The following LINGO2 variants were observed in gnomAD, a reference collection of about 807,000 sequenced individuals.
LINGO2 encodes the protein leucine-rich repeat and immunoglobulin-like domain-containing nogo receptor-interacting protein 2.
LINGO2 carries 14 observed loss-of-function variants against 30.6 expected under a neutral mutation model. That is an observed-to-expected ratio of 0.46 (90% CI 0.30 to 0.72). The LOEUF (loss-of-function observed/expected upper bound fraction) is 0.72. Ranked by LOEUF, LINGO2 falls within the 30% of genes least tolerant of loss-of-function variation. The pLI is 0.07. For synonymous variants in LINGO2, 317 were observed against 288.5 expected (o/e 1.10, Z -1.00); for missense variants, 729 against 751.7 (o/e 0.97, Z 0.35).
chr9:28,729,526 T>C, the LINGO2 span, among the ~76,000 whole-genome samples: 102 of 152,060 alleles, frequency 6.7e-4, 1 homozygote, highest in African/African-American at 2.3e-3. Context: ...ATAAGATCCA[T>C]GAATCATTCA....
At chr9:29,050,735 C>T in the LINGO2 span, among the ~76,000 whole-genome samples, 1 of 152,136 alleles carries the variant, frequency 6.6e-6, no homozygotes, top group South Asian at 2.1e-4. Context: ...AGGCTGTCAG[C>T]ATTGCTGCAA....
the LINGO2 span, among the ~76,000 whole-genome samples, chr9:28,841,419 C>T: frequency 6.6e-6 from 1 of 151,788 alleles, no homozygotes; most frequent in African/African-American, 2.4e-5. Flanking sequence ...TAGTACTTTA[C>T]ACTTGCTCAT....
chr9:28,390,150 C>T (rs1821765682), intron 2 of LINGO2, among the ~76,000 whole-genome samples: 1 of 152,184 alleles, frequency 6.6e-6, no homozygotes, highest in Non-Finnish European at 1.5e-5. Context: ...AATGCCTGAG[C>T]TGTATCCTAC....
intron 1 of LINGO2, among the ~76,000 whole-genome samples, chr9:28,640,701 AT>A (rs1342673767): frequency 6.6e-6 from 1 of 151,794 alleles, no homozygotes; most frequent in African/African-American, 2.4e-5. Context: ...ACTTCTCTGC[AT>A]TGGTTATTCT....
At chr9:28,296,172 T>G (rs2134188047) in intron 3 of LINGO2, among the ~76,000 whole-genome samples, 1 of 152,328 alleles carries the variant, frequency 6.6e-6, no homozygotes, top group South Asian at 2.1e-4. Context: ...TTGACTTTTA[T>G]TCATACAGAG....
intron 4 of LINGO2, among the ~76,000 whole-genome samples, chr9:28,294,944 A>G (rs1823869980): frequency 1.3e-5 from 2 of 152,274 alleles, no homozygotes; most frequent in South Asian, 4.1e-4. Flanking sequence ...TTAAAGAGGA[A>G]ATCTTTATAG....
At chr9:28,790,023 T>C in the LINGO2 span, among the ~76,000 whole-genome samples, 4 of 152,338 alleles carry the variant, frequency 2.6e-5, no homozygotes, top group African/African-American at 9.6e-5. Flanking sequence ...TTAAGTTACC[T>C]GTGGTCAACT....
intron 2 of LINGO2, among the ~76,000 whole-genome samples, chr9:28,433,949 C>CTCTCTATATATATATATA (rs1225323260): frequency 1.0e-3 from 91 of 88,504 alleles, no homozygotes; most frequent in African/African-American, 3.9e-3. Flanking sequence ...CTCTCTCTCT[C>CTCTCTATATATATATATA]TATATATATA....
At chr9:28,366,862 GTAA>G (rs1482853485) in intron 3 of LINGO2, among the ~76,000 whole-genome samples, 4 of 151,924 alleles carry the variant, frequency 2.6e-5, no homozygotes, top group African/African-American at 7.3e-5. Context: ...GGAAAACATA[GTAA>G]TAATAATAAC....
intron 5 of LINGO2, among the ~76,000 whole-genome samples, chr9:28,006,121 C>T (rs1231982922): frequency 1.3e-5 from 2 of 151,922 alleles, no homozygotes; most frequent in Admixed American, 6.6e-5. Flanking sequence ...AGCTTTGCTA[C>T]CCATGCAAAG....
chr9:28,530,225 TG>T (rs1376686682), intron 1 of LINGO2, among the ~76,000 whole-genome samples: 1 of 152,018 alleles, frequency 6.6e-6, no homozygotes, highest in African/African-American at 2.4e-5. Flanking sequence ...AGCACGATGA[TG>T]GTGATGATGA....
intron 4 of LINGO2, among the ~76,000 whole-genome samples, chr9:28,230,584 C>T (rs1262863113): frequency 6.6e-6 from 1 of 151,016 alleles, no homozygotes; most frequent in African/African-American, 2.4e-5. Flanking sequence ...AAGACAGAGT[C>T]TTGCTCTATC....
chr9:28,476,134 A>T (rs2026376), intron 1 of LINGO2, 109 bp from the exon 4 acceptor site: 136,497 of 152,568 alleles, frequency 0.89, 61,361 homozygotes, highest in East Asian at 1. Flanking sequence ...AGTATTTGTT[A>T]TATAAAGGTT....
chr9:29,211,898 G>A, the LINGO2 span, among the ~76,000 whole-genome samples: 3 of 152,056 alleles, frequency 2.0e-5, no homozygotes, highest in Non-Finnish European at 4.4e-5. Flanking sequence ...CAAGGGAGGC[G>A]GGGGAAATTG....
the LINGO2 span, among the ~76,000 whole-genome samples, chr9:28,723,486 A>G: frequency 3.3e-5 from 5 of 152,136 alleles, no homozygotes; most frequent in African/African-American, 7.2e-5. Context: ...ATTCCTTGAA[A>G]GGCCCAACCT....
chr9:28,471,168 A>T (rs1365739637), intron 2 of LINGO2, among the ~76,000 whole-genome samples: 1 of 152,122 alleles, frequency 6.6e-6, no homozygotes, highest in Non-Finnish European at 1.5e-5. Context: ...CTGTTGCTAA[A>T]ATAGAATACC....
At chr9:28,484,290 G>A (rs1369101329) in intron 1 of LINGO2, among the ~76,000 whole-genome samples, 1 of 152,000 alleles carries the variant, frequency 6.6e-6, no homozygotes. Flanking sequence ...GGTTCTCTTA[G>A]CACCAAGAAT....
At position 28,387,240 on chromosome 9, in the gene LINGO2, T is replaced by C. The variant is rs986156407; in HGVS notation, c.-278-14372A>G. Among the ~76,000 whole-genome samples the C allele has an allele frequency of 3.9e-5, 6 of 151,920 alleles. 1 individual carries two copies. Among genetic ancestry groups the C allele is most frequent in the Admixed American group, 1.3e-4 (2 of 15,256 alleles). On this transcript the variant is annotated intron_variant, in intron 2 of 5. Coordinates refer to ENST00000379992, the Ensembl canonical transcript of LINGO2. Reference sequence around the variant, plus strand: ...TGCTAAAGGTTTGTAAACCCACCAATCAGCACTCTGTAAAAATGCACCAAT... The same window carrying C: ...TGCTAAAGGTTTGTAAACCCACCAACCAGCACTCTGTAAAAATGCACCAAT...
chr9:28,163,428 T>C (rs1026126924), intron 4 of LINGO2, among the ~76,000 whole-genome samples: 1 of 152,118 alleles, frequency 6.6e-6, no homozygotes, highest in Non-Finnish European at 1.5e-5. Flanking sequence ...TTTTAGAATA[T>C]ATATTAAAAA....
Sources: allele counts gnomAD v4.1 joint callset (sites outside exome capture counted in the v4.1 genomes callset), GRCh38; gene constraint gnomAD v4.1.1; transcripts MANE v1.5; gene names NCBI Gene and HGNC (gene_info 2026-07-23, HGNC 2026-07-21).